The following XKR4 variants were observed in gnomAD, a reference collection of about 807,000 sequenced individuals.
XKR4 encodes XK related 4.
A neutral mutation model predicts 53.9 loss-of-function variants in XKR4; 12 were observed. That is an observed-to-expected ratio of 0.22 (90% CI 0.14 to 0.36). XKR4 has a LOEUF of 0.36. Among genes scored for constraint, XKR4 ranks in the 10% least tolerant of loss-of-function variants. The pLI, the probability that XKR4 is intolerant of heterozygous loss-of-function variation, is 1.00. For missense variants in XKR4, 799 were observed against 859.5 expected (o/e 0.93, Z 0.88); for synonymous variants, 354 against 362.4 (o/e 0.98, Z 0.26).
At chr8:55,393,408 A>AAGGT in intron 2 of XKR4, among the ~76,000 whole-genome samples, 1 of 20,352 alleles carries the variant, frequency 4.9e-5, no homozygotes, top group Non-Finnish European at 1.1e-4. Flanking sequence ...CTTAAGAAGG[A>AAGGT]AGGAAGGAAG....
At chr8:55,131,871 C>T (rs1490700491) in intron 1 of XKR4, among the ~76,000 whole-genome samples, 1 of 152,190 alleles carries the variant, frequency 6.6e-6, no homozygotes, top group Admixed American at 6.5e-5. Context: ...CCACCATGCC[C>T]AGCCTCCCTA....
intron 1 of XKR4, among the ~76,000 whole-genome samples, chr8:55,124,361 A>G (rs1473064251): frequency 6.6e-6 from 1 of 152,220 alleles, no homozygotes; most frequent in Admixed American, 6.5e-5. Flanking sequence ...CAGAGTAAAC[A>G]GCATTGTTCC....
intron 1 of XKR4, among the ~76,000 whole-genome samples, chr8:55,349,106 T>G (rs1034914906): frequency 6.6e-6 from 1 of 152,360 alleles, no homozygotes; most frequent in Non-Finnish European, 1.5e-5. Context: ...AATATTTACT[T>G]ATTGCTTACT....
intron 2 of XKR4, among the ~76,000 whole-genome samples, chr8:55,442,356 A>T (rs1056792714): frequency 6.6e-6 from 1 of 152,234 alleles, no homozygotes; most frequent in African/African-American, 2.4e-5. Context: ...ATGTGAACAC[A>T]TTGGAACCAT....
At chr8:55,135,538 CAAG>C (rs1816613888) in intron 1 of XKR4, 2 of 450,188 alleles carry the variant, frequency 4.4e-6, no homozygotes, top group South Asian at 3.1e-5. Flanking sequence ...CAGTTGATGA[CAAG>C]GAGCACAGTC....
At chr8:55,464,241 A>G (rs1242596041) in intron 2 of XKR4, among the ~76,000 whole-genome samples, 2 of 152,154 alleles carry the variant, frequency 1.3e-5, no homozygotes, top group Non-Finnish European at 2.9e-5. Flanking sequence ...AATACTGACA[A>G]ACCAAATCCA....
chr8:55,375,128 C>T (rs2129386619), intron 2 of XKR4, among the ~76,000 whole-genome samples: 1 of 152,356 alleles, frequency 6.6e-6, no homozygotes, highest in South Asian at 2.1e-4. Context: ...TTGCTGTCTT[C>T]ACACAGCGTG....
chr8:55,346,322 G>A (rs1420387011), intron 1 of XKR4, among the ~76,000 whole-genome samples: 1 of 152,116 alleles, frequency 6.6e-6, no homozygotes, highest in Non-Finnish European at 1.5e-5. Flanking sequence ...CTGACCTCAA[G>A]TGATCCACCT....
intron 1 of XKR4, among the ~76,000 whole-genome samples, chr8:55,166,949 T>G (rs1440649315): frequency 6.6e-6 from 1 of 152,212 alleles, no homozygotes; most frequent in Non-Finnish European, 1.5e-5. Flanking sequence ...TTGGGCTAAG[T>G]GTTGAGAACA....
At chr8:55,128,461 C>A (rs1175295771) in intron 1 of XKR4, among the ~76,000 whole-genome samples, 1 of 152,110 alleles carries the variant, frequency 6.6e-6, no homozygotes, top group African/African-American at 2.4e-5. Flanking sequence ...TGGCTTCAGC[C>A]AAGAATGGTC....
chr8:55,325,562 TA>T (rs1803280475), intron 1 of XKR4, among the ~76,000 whole-genome samples: 1 of 152,224 alleles, frequency 6.6e-6, no homozygotes, highest in Admixed American at 6.5e-5. Flanking sequence ...AATTTGAATG[TA>T]AATAAAATAT....
intron 1 of XKR4, among the ~76,000 whole-genome samples, chr8:55,109,393 A>G (rs1816201727): frequency 6.6e-6 from 1 of 152,192 alleles, no homozygotes; most frequent in Non-Finnish European, 1.5e-5. Context: ...GTGCAACACT[A>G]TAATTGTGCC....
At chr8:55,428,490 G>A (rs1036026882) in intron 2 of XKR4, among the ~76,000 whole-genome samples, 2 of 152,132 alleles carry the variant, frequency 1.3e-5, no homozygotes, top group South Asian at 2.1e-4. Flanking sequence ...CATTTACACC[G>A]CCAAGGCTAA....
intron 1 of XKR4, among the ~76,000 whole-genome samples, chr8:55,351,771 C>T (rs771920444): frequency 2.0e-5 from 3 of 152,204 alleles, no homozygotes; most frequent in Non-Finnish European, 4.4e-5. Flanking sequence ...ACTAGTCTTC[C>T]GGCCAATGCC....
At chr8:55,163,165 C>G (rs1331589129) in intron 1 of XKR4, among the ~76,000 whole-genome samples, 1 of 152,180 alleles carries the variant, frequency 6.6e-6, no homozygotes, top group Non-Finnish European at 1.5e-5. Flanking sequence ...CACATACCTG[C>G]TGGGACATCT....
chr8:55,451,373 C>G, intron 2 of XKR4: 1 of 721,450 alleles, frequency 1.4e-6, no homozygotes, highest in Non-Finnish European at 2.4e-6. Context: ...CCCACGTGGG[C>G]TGAGGAGAAG....
chr8:55,397,253 G>A (rs144643466), intron 2 of XKR4, among the ~76,000 whole-genome samples: 22 of 152,254 alleles, frequency 1.4e-4, no homozygotes, highest in African/African-American at 4.1e-4. Context: ...CTGTGTTTGC[G>A]TAAATAATAT....
chr8:55,214,167 A>G (rs2129364197), intron 1 of XKR4, among the ~76,000 whole-genome samples: 1 of 152,198 alleles, frequency 6.6e-6, no homozygotes. Context: ...CCAGCTGTTT[A>G]GTACTTATTA....
At position 55,524,405 on chromosome 8, in the gene XKR4, C is replaced by T; in HGVS notation, c.*178C>T. On this transcript the variant is annotated 3_prime_UTR_variant, in exon 3 of 3. Transcript: ENST00000327381. ...GGCGGCTGGTCTCCTTCCAAAGCAGCTGCACCCGAGAGTCTCTGACTCCAC... is the reference window on the plus strand; with the variant it reads ...GGCGGCTGGTCTCCTTCCAAAGCAGTTGCACCCGAGAGTCTCTGACTCCAC... 1 of 642,926 alleles carries T rather than the reference C, an allele frequency of 1.6e-6. No individual in the cohort carries two copies. The highest frequency in any genetic ancestry group is 2.6e-6 in the Non-Finnish European group (1 of 378,716). The allele number at this position is 642,926 out of a possible 1,614,324, so 39.8% of individuals were successfully genotyped here.
Sources: gnomAD v4.1 joint callset for allele counts (sites outside exome capture counted in the v4.1 genomes callset) on GRCh38, gnomAD v4.1.1 for gene constraint, MANE v1.5 for transcripts, NCBI Gene and HGNC (gene_info 2026-07-23, HGNC 2026-07-21) for gene names.